Variants in KLF12 observed in about 807,000 individuals in gnomAD.
The protein encoded by KLF12 is Krueppel-like factor 12.
In KLF12, 9 loss-of-function variants were observed where a neutral mutation model predicts 37.8. The ratio of observed to expected loss-of-function variants is 0.24; its 90% CI spans 0.14 to 0.42. The LOEUF (loss-of-function observed/expected upper bound fraction) is 0.42, where lower values mean the gene tolerates loss of function less well. Among genes scored for constraint, KLF12 ranks in the 10% least tolerant of loss-of-function variants. The probability of loss-of-function intolerance (pLI) is 1.00; values close to 1 mark genes in which losing one functional copy is unlikely to be tolerated. For missense variants in KLF12, 411 were observed against 516.0 expected, an observed-to-expected ratio of 0.80 and a Z score of 1.97; for synonymous variants, 208 against 202.1, an observed-to-expected ratio of 1.03 and a Z score of -0.25.
chr13:74,240,138 G>A, the KLF12 span, among the ~76,000 whole-genome samples: 2 of 151,978 alleles, frequency 1.3e-5, no homozygotes, highest in Admixed American at 1.3e-4. Context: ...AGGCAGGCCT[G>A]GTGGTGACAA....
At chr13:74,153,131 T>G in the KLF12 span, among the ~76,000 whole-genome samples, 1 of 151,864 alleles carries the variant, frequency 6.6e-6, no homozygotes, top group Non-Finnish European at 1.5e-5. Flanking sequence ...ACAAAATGCT[T>G]TTTTTCTCCT....
intron 6 of KLF12, among the ~76,000 whole-genome samples, chr13:73,744,146 A>C (rs1878201693): frequency 6.6e-6 from 1 of 152,208 alleles, no homozygotes; most frequent in Admixed American, 6.5e-5. Context: ...GTCTGCTTTC[A>C]AATTCTCCAT....
the KLF12 span, among the ~76,000 whole-genome samples, chr13:74,164,598 C>T: frequency 6.6e-6 from 1 of 152,156 alleles, no homozygotes; most frequent in African/African-American, 2.4e-5. Flanking sequence ...GTGTAAAAGA[C>T]TCAGTGAAGA....
the KLF12 span, among the ~76,000 whole-genome samples, chr13:74,188,393 T>C: frequency 6.6e-6 from 1 of 152,256 alleles, no homozygotes; most frequent in South Asian, 2.1e-4. Flanking sequence ...CATAATACTT[T>C]TCTGAAAATA....
At chr13:74,301,406 A>T in the KLF12 span, among the ~76,000 whole-genome samples, 1 of 152,180 alleles carries the variant, frequency 6.6e-6, no homozygotes, top group Non-Finnish European at 1.5e-5. Flanking sequence ...TGTTTCTTTC[A>T]AATCACTAGA....
At chr13:74,127,502 A>T (rs967196142) in intron 1 of KLF12, among the ~76,000 whole-genome samples, 10 of 152,206 alleles carry the variant, frequency 6.6e-5, no homozygotes, top group African/African-American at 2.4e-4. Context: ...TCCCACAAAA[A>T]GTGATGCTGA....
intron 7 of KLF12, among the ~76,000 whole-genome samples, chr13:73,702,387 T>C (rs927908335): frequency 2.0e-5 from 3 of 152,198 alleles, no homozygotes; most frequent in African/African-American, 4.8e-5. Context: ...CAAACAAAAA[T>C]AACTTTTTCA....
At chr13:73,989,370 A>T (rs955342723) in intron 2 of KLF12, among the ~76,000 whole-genome samples, 5 of 152,180 alleles carry the variant, frequency 3.3e-5, no homozygotes, top group African/African-American at 1.2e-4. Context: ...CTATTCAATG[A>T]CCCTTTGATT....
intron 3 of KLF12, among the ~76,000 whole-genome samples, chr13:73,873,612 ATT>A (rs1255746715): frequency 2.0e-5 from 3 of 152,224 alleles, no homozygotes; most frequent in Admixed American, 1.3e-4. Context: ...GTTTTTGTGG[ATT>A]TTTTCTGAAA....
intron 1 of KLF12, among the ~76,000 whole-genome samples, chr13:74,131,041 C>T (rs555901692): frequency 6.6e-6 from 1 of 152,298 alleles, no homozygotes; most frequent in South Asian, 2.1e-4. Flanking sequence ...AAGGTTACCC[C>T]AAACTCTAGA....
At chr13:73,827,716 C>T (rs1259900477) in intron 4 of KLF12, among the ~76,000 whole-genome samples, 9 of 152,128 alleles carry the variant, frequency 5.9e-5, no homozygotes. Flanking sequence ...GCACCCATCA[C>T]CATGCTCGGC....
chr13:73,786,651 G>C (rs1252946952), intron 5 of KLF12, among the ~76,000 whole-genome samples: 1 of 151,900 alleles, frequency 6.6e-6, no homozygotes, highest in Non-Finnish European at 1.5e-5. Flanking sequence ...GGGAGGCCGA[G>C]GTGGGAGGAT....
intron 3 of KLF12, among the ~76,000 whole-genome samples, chr13:73,894,104 T>G (rs1887643093): frequency 6.6e-6 from 1 of 152,128 alleles, no homozygotes; most frequent in African/African-American, 2.4e-5. Flanking sequence ...TTAGCCTTTG[T>G]AGTTGTCTGT....
At chr13:73,927,857 G>A (rs552314925) in intron 3 of KLF12, among the ~76,000 whole-genome samples, 3 of 104,416 alleles carry the variant, frequency 2.9e-5, no homozygotes, top group Admixed American at 1.1e-4. Flanking sequence ...CAAAGTGCTG[G>A]GATCTCTTTT....
the KLF12 span, among the ~76,000 whole-genome samples, chr13:74,263,189 T>A: frequency 6.6e-6 from 1 of 152,224 alleles, no homozygotes; most frequent in Admixed American, 6.5e-5. Flanking sequence ...CTAACTCTTA[T>A]AGCTAAGTAA....
At chr13:74,269,904 T>A in the KLF12 span, among the ~76,000 whole-genome samples, 2 of 152,156 alleles carry the variant, frequency 1.3e-5, no homozygotes, top group African/African-American at 4.8e-5. Context: ...TGAGGTGACA[T>A]TAGTGTTGTT....
At chr13:74,163,457 C>T in the KLF12 span, among the ~76,000 whole-genome samples, 1 of 152,024 alleles carries the variant, frequency 6.6e-6, no homozygotes, top group African/African-American at 2.4e-5. Context: ...GAGATCATTA[C>T]CTTAAGTGAA....
chr13:73,829,932 G>C (rs1050109264), intron 4 of KLF12, among the ~76,000 whole-genome samples: 3 of 152,092 alleles, frequency 2.0e-5, no homozygotes, highest in Admixed American at 2.0e-4. Context: ...GTAATCCTCT[G>C]TTTATATCAG....
chr13:73,725,902 CTT>C (rs1022624025), intron 6 of KLF12, among the ~76,000 whole-genome samples: 3 of 151,268 alleles, frequency 2.0e-5, no homozygotes, highest in Non-Finnish European at 4.4e-5. Flanking sequence ...GAGTTTCACT[CTT>C]GTTACCCAGG....
Sources: allele counts gnomAD v4.1 joint callset (sites outside exome capture counted in the v4.1 genomes callset), GRCh38; gene constraint gnomAD v4.1.1; transcripts MANE v1.5; gene names NCBI Gene and HGNC (gene_info 2026-07-23, HGNC 2026-07-21).